DYNC1I1: variants seen among roughly 807,000 people sequenced by gnomAD.
The protein encoded by DYNC1I1 is dynein cytoplasmic 1 intermediate chain 1.
Under a neutral mutation model 86.6 loss-of-function variants are expected in DYNC1I1, and 43 were observed. The observed-to-expected ratio is 0.50, with a 90% CI of 0.39 to 0.64. The LOEUF is 0.64. DYNC1I1 is among the 30% of genes least tolerant of loss of function. The pLI, the probability that DYNC1I1 is intolerant of heterozygous loss-of-function variation, is 0.00. For missense variants in DYNC1I1, 604 were observed against 788.8 expected (o/e 0.77, Z 2.81); for synonymous variants, 262 against 283.7 (o/e 0.92, Z 0.77).
At chr7:95,981,592 A>G (rs558641702) in intron 7 of DYNC1I1, among the ~76,000 whole-genome samples, 5 of 152,206 alleles carry the variant, frequency 3.3e-5, no homozygotes, top group Non-Finnish European at 5.9e-5. Flanking sequence ...GATTACATGT[A>G]AGTTACATCC....
intron 10 of DYNC1I1, among the ~76,000 whole-genome samples, chr7:96,002,766 G>T (rs1459942497): frequency 1.3e-5 from 2 of 151,994 alleles, no homozygotes; most frequent in Non-Finnish European, 1.5e-5. Flanking sequence ...GTAGAGAAGG[G>T]CATCTTACCA....
intron 15 of DYNC1I1, among the ~76,000 whole-genome samples, chr7:96,076,440 G>A (rs1790343309): frequency 6.6e-6 from 1 of 151,904 alleles, no homozygotes; most frequent in Admixed American, 6.6e-5. Flanking sequence ...ACCCTTTTTT[G>A]CAAAGAGCAA....
chr7:96,047,859 C>G (rs1789264283), intron 14 of DYNC1I1, among the ~76,000 whole-genome samples: 1 of 152,094 alleles, frequency 6.6e-6, no homozygotes. Flanking sequence ...GCGACTTGAA[C>G]TCCAAAAGCT....
At chr7:95,833,433 G>C (rs1788979553) in intron 5 of DYNC1I1, among the ~76,000 whole-genome samples, 1 of 149,028 alleles carries the variant, frequency 6.7e-6, no homozygotes, top group African/African-American at 2.5e-5. Flanking sequence ...TTTTGGCTTA[G>C]GATTGACTTG....
intron 1 of DYNC1I1, among the ~76,000 whole-genome samples, chr7:95,795,538 A>G (rs530001177): frequency 6.6e-6 from 1 of 152,360 alleles, no homozygotes; most frequent in East Asian, 1.9e-4. Flanking sequence ...TATGTATGCC[A>G]TGGAATATGA....
At chr7:95,928,632 C>T (rs1791808082) in intron 6 of DYNC1I1, among the ~76,000 whole-genome samples, 1 of 152,206 alleles carries the variant, frequency 6.6e-6, no homozygotes, top group Non-Finnish European at 1.5e-5. Context: ...ACCTGGGCTT[C>T]AGTGTTAGTG....
At chr7:95,898,936 C>T (rs1236552216) in intron 6 of DYNC1I1, among the ~76,000 whole-genome samples, 4 of 152,122 alleles carry the variant, frequency 2.6e-5, no homozygotes, top group African/African-American at 9.7e-5. Flanking sequence ...ATCCTATAAA[C>T]CACAACACAA....
chr7:95,953,375 AT>A (rs1210046411), intron 6 of DYNC1I1, among the ~76,000 whole-genome samples: 1 of 151,902 alleles, frequency 6.6e-6, no homozygotes, highest in Non-Finnish European at 1.5e-5. Context: ...TTCTCTCCGC[AT>A]TTGCTTTCTC....
chr7:95,975,224 T>C (rs1302634767), intron 6 of DYNC1I1, among the ~76,000 whole-genome samples: 1 of 152,194 alleles, frequency 6.6e-6, no homozygotes, highest in Non-Finnish European at 1.5e-5. Flanking sequence ...GAAATGCACT[T>C]ACTGGCTTTA....
chr7:95,835,201 C>T (rs990058799), intron 5 of DYNC1I1, among the ~76,000 whole-genome samples: 1 of 98,758 alleles, frequency 1.0e-5, no homozygotes, highest in Non-Finnish European at 2.0e-5. Context: ...CAAAGAACAT[C>T]TTTATTTCTG....
intron 1 of DYNC1I1, among the ~76,000 whole-genome samples, chr7:95,790,574 T>C (rs1794270578): frequency 6.6e-6 from 1 of 152,230 alleles, no homozygotes; most frequent in Admixed American, 6.5e-5. Flanking sequence ...GAATCTTTAG[T>C]AACTCTGTGT....
At chr7:95,997,574 AG>A (rs1272017545) in intron 10 of DYNC1I1, among the ~76,000 whole-genome samples, 1 of 131,250 alleles carries the variant, frequency 7.6e-6, no homozygotes, top group Non-Finnish European at 1.6e-5. Context: ...TTAATTGAAA[AG>A]GGCATTCTTG....
At chr7:95,867,872 C>T (rs1014111543) in intron 5 of DYNC1I1, among the ~76,000 whole-genome samples, 2 of 152,196 alleles carry the variant, frequency 1.3e-5, no homozygotes, top group Non-Finnish European at 2.9e-5. Context: ...CTCAAGCAGT[C>T]CTGCAATGTC....
chr7:95,984,137 T>C (rs17638044), intron 7 of DYNC1I1, among the ~76,000 whole-genome samples: 14,657 of 152,264 alleles, frequency 0.096, 733 homozygotes, highest in Admixed American at 0.12. Flanking sequence ...AAATTTAGTT[T>C]GATAAGATTA....
intron 14 of DYNC1I1, among the ~76,000 whole-genome samples, chr7:96,072,275 A>C (rs1203301745): frequency 2.0e-5 from 3 of 152,202 alleles, no homozygotes; most frequent in Non-Finnish European, 4.4e-5. Context: ...TTATTGTAAC[A>C]GCCCTGGAAG....
intron 5 of DYNC1I1, among the ~76,000 whole-genome samples, chr7:95,835,418 TG>T (rs1409593047): frequency 2.0e-5 from 3 of 150,026 alleles, no homozygotes; most frequent in South Asian, 4.3e-4. Flanking sequence ...GGAATAGGTG[TG>T]GTGTGGTGCT....
chr7:95,832,056 G>A (rs1788921472), intron 5 of DYNC1I1, among the ~76,000 whole-genome samples: 1 of 149,476 alleles, frequency 6.7e-6, no homozygotes, highest in Admixed American at 6.6e-5. Flanking sequence ...CCATGCTGGT[G>A]CGCTGCACCC....
chr7:96,018,860 G>A (rs1406633819), intron 10 of DYNC1I1, among the ~76,000 whole-genome samples: 1 of 152,154 alleles, frequency 6.6e-6, no homozygotes, highest in Non-Finnish European at 1.5e-5. Context: ...GATGCGGAAG[G>A]AAACTTATCC....
rs897544576 is a variant in DYNC1I1, at chr7:95,900,828, A to C, written c.490+30830A>C. On this transcript the variant is annotated intron_variant, in intron 6 of 16. Transcript: ENST00000447467. ...ACCATGTATGTTTCATGAGATTTTC[A>C]TTCTAAATAACATATAAGGAATGAG... 1.1e-4 allele frequency among the ~76,000 whole-genome samples: 17 copies of C among 152,336 alleles called. 1 individual carries two copies. Among genetic ancestry groups the C allele is most frequent in the African/African-American group, 3.8e-4 (16 of 41,576 alleles).
Sources: allele counts gnomAD v4.1 joint callset (sites outside exome capture counted in the v4.1 genomes callset), GRCh38; gene constraint gnomAD v4.1.1; transcripts MANE v1.5; gene names NCBI Gene and HGNC (gene_info 2026-07-23, HGNC 2026-07-21).